Variants in KIF11 observed in about 807,000 individuals in gnomAD.
KIF11 encodes kinesin family member 11, also known as kinesin-like protein KIF11.
In KIF11, 9 loss-of-function variants were observed where a neutral mutation model predicts 121.0. The observed-to-expected ratio is 0.07, with a 90% CI of 0.04 to 0.13. The LOEUF (loss-of-function observed/expected upper bound fraction) is 0.13. Among genes scored for constraint, KIF11 ranks in the 10% least tolerant of loss-of-function variants. The probability of loss-of-function intolerance (pLI) is 1.00; values close to 1 mark genes in which losing one functional copy is unlikely to be tolerated. For missense variants in KIF11, 846 were observed against 1,217.5 expected (o/e 0.69, Z 4.54); for synonymous variants, 408 against 421.0 (o/e 0.97, Z 0.38).
chr10:92,642,444 T>C (rs949519605), intron 17 of KIF11, among the ~76,000 whole-genome samples: 2 of 152,234 alleles, frequency 1.3e-5, no homozygotes, highest in African/African-American at 4.8e-5. Context: ...GCATGAAGTG[T>C]TCTGTATGTG....
chr10:92,598,309 C>G (rs1176506591), intron 1 of KIF11, among the ~76,000 whole-genome samples: 1 of 152,178 alleles, frequency 6.6e-6, no homozygotes, highest in Non-Finnish European at 1.5e-5. Flanking sequence ...CATTCTTTTG[C>G]ATATGGATAT....
At chr10:92,609,307 T>C in intron 5 of KIF11, 78 bp from the exon 6 acceptor site, 1 of 523,904 alleles carries the variant, frequency 1.9e-6, no homozygotes, top group Non-Finnish European at 2.5e-6. Context: ...AGAGAGAGTG[T>C]GTGTGTGTGT....
At chr10:92,634,764 C>T (rs1181280898) in intron 14 of KIF11, among the ~76,000 whole-genome samples, 1 of 152,176 alleles carries the variant, frequency 6.6e-6, no homozygotes, top group Non-Finnish European at 1.5e-5. Flanking sequence ...TATCAAGGGA[C>T]TTGTTAGTTG....
chr10:92,601,751 A>G (rs199842059), intron 1 of KIF11, among the ~76,000 whole-genome samples: 4 of 150,072 alleles, frequency 2.7e-5, no homozygotes, highest in African/African-American at 9.9e-5. Flanking sequence ...TATGTTTCCC[A>G]TGCTGATCCT....
At chr10:92,595,043 T>G (rs2135893521) in intron 1 of KIF11, among the ~76,000 whole-genome samples, 1 of 152,322 alleles carries the variant, frequency 6.6e-6, no homozygotes, top group Admixed American at 6.5e-5. Context: ...TTAAATACTT[T>G]AGGCTTTGCA....
chr10:92,618,593 G>A (rs1198079823), intron 9 of KIF11, among the ~76,000 whole-genome samples: 1 of 148,130 alleles, frequency 6.8e-6, no homozygotes, highest in Non-Finnish European at 1.5e-5. Flanking sequence ...GCAGTGAGCT[G>A]AGATCGAGCC....
At chr10:92,651,274 C>T (rs1844976234) in intron 21 of KIF11, among the ~76,000 whole-genome samples, 2 of 152,010 alleles carry the variant, frequency 1.3e-5, no homozygotes, top group Admixed American at 6.5e-5. Context: ...GTTATCTACC[C>T]TCCTCGGCCT....
intron 9 of KIF11, among the ~76,000 whole-genome samples, chr10:92,620,058 T>C (rs557791674): frequency 1.3e-5 from 2 of 151,362 alleles, no homozygotes; most frequent in Non-Finnish European, 2.9e-5. Context: ...TTTAGAAGTA[T>C]GTAATGTCTG....
At chr10:92,629,996 A>G (rs1186037217) in intron 11 of KIF11, among the ~76,000 whole-genome samples, 180 bp from the exon 12 acceptor site, 1 of 152,218 alleles carries the variant, frequency 6.6e-6, no homozygotes, top group Non-Finnish European at 1.5e-5. Context: ...CAGACCTATT[A>G]TTTAATCTCA....
chr10:92,630,867 CAAAAAAAA>C (rs58123701), intron 12 of KIF11, among the ~76,000 whole-genome samples: 1 of 100,002 alleles, frequency 1.0e-5, no homozygotes, highest in African/African-American at 4.1e-5. Context: ...AACTCCGTCT[CAAAAAAAA>C]AAAAAAAAAA....
intron 17 of KIF11, among the ~76,000 whole-genome samples, chr10:92,643,300 T>C (rs1225212224): frequency 6.6e-6 from 1 of 152,176 alleles, no homozygotes; most frequent in East Asian, 1.9e-4. Context: ...TTTTTAGTAG[T>C]ATGTCTAGGA....
At chr10:92,597,657 T>C (rs1231101922) in intron 1 of KIF11, among the ~76,000 whole-genome samples, 1 of 152,010 alleles carries the variant, frequency 6.6e-6, no homozygotes, top group Non-Finnish European at 1.5e-5. Context: ...TTTGTTTGTT[T>C]GTTTGTTTTT....
At position 92,630,265 on chromosome 10, in the gene KIF11, A is replaced by G. The variant is rs761577687; in HGVS notation, c.1395A>G (p.Gln465=). 3 of 1,610,868 alleles carry G rather than the reference A, an allele frequency of 1.9e-6. No homozygotes were observed. The highest frequency in any genetic ancestry group is 2.5e-6 in the Non-Finnish European group (3 of 1,178,022). ...AAACACAAGAACTTGAAACCACTCA[A>G]AAACATTTGCAAGAAACTAAATTAC... ...QNKTQELETT[Q]KHLQETKLQL... The change falls in exon 12 of 22, where the codon CAA becomes CAG. Residue 465 remains glutamine (Q), a synonymous_variant. Transcript: ENST00000260731.
chr10:92,648,794 T>C (rs1000200079), intron 19 of KIF11, among the ~76,000 whole-genome samples: 3 of 152,254 alleles, frequency 2.0e-5, no homozygotes, highest in Non-Finnish European at 2.9e-5. Context: ...TACCACATTG[T>C]GCATTTTGTT....
chr10:92,606,466 G>A (rs1844432019), intron 2 of KIF11, 69 bp downstream of exon 2: 1 of 1,352,684 alleles, frequency 7.4e-7, no homozygotes, highest in Non-Finnish European at 1.0e-6. Flanking sequence ...ATTTTACCTG[G>A]AAAATGGTGT....
intron 21 of KIF11, among the ~76,000 whole-genome samples, chr10:92,652,373 C>T (rs1844997049): frequency 6.6e-6 from 1 of 152,180 alleles, no homozygotes; most frequent in African/African-American, 2.4e-5. Context: ...CTCCCGACCT[C>T]AGGTGATCCG....
In KIF11 at chr10:92,602,825, C is replaced by CATGTGTGT. The variant is rs1457102223; in HGVS notation, c.78-3440_78-3439insATGTGTGT. Among the ~76,000 whole-genome samples the CATGTGTGT allele has an allele frequency of 5.6e-4, 69 of 122,380 alleles. 1 individual carries two copies. The highest frequency in any genetic ancestry group is 2.4e-3 in the African/African-American group (68 of 27,880). 80.3% of individuals were successfully genotyped at this position (122,380 alleles called of 152,430 possible). A position where few individuals can be genotyped will look rare whatever the true frequency, so the allele number is the denominator to read the frequency against. ...TTACTTAAACACACACACACACACACGTGTGTGTGTGTGTGTGTGTGTGTG... is the reference window on the plus strand; with the variant it reads ...TTACTTAAACACACACACACACACACATGTGTGTGTGTGTGTGTGTGTGTGTGTGTGTG... On this transcript the variant is annotated intron_variant, in intron 1 of 21. Coordinates refer to ENST00000260731, the MANE Select transcript of KIF11 (RefSeq NM_004523.4).
chr10:92,599,756 A>G (rs1382463769), intron 1 of KIF11, among the ~76,000 whole-genome samples: 11 of 146,584 alleles, frequency 7.5e-5, no homozygotes, highest in African/African-American at 2.2e-4. Flanking sequence ...AGGTTCAAGC[A>G]ATTCTCCTGC....
chr10:92,615,732 CTTCT>C (rs1844547743), intron 8 of KIF11, among the ~76,000 whole-genome samples: 2 of 151,990 alleles, frequency 1.3e-5, no homozygotes, highest in African/African-American at 4.8e-5. Flanking sequence ...TTGTGACTGG[CTTCT>C]TTCACTTAGC....
Sources: allele counts gnomAD v4.1 joint callset (sites outside exome capture counted in the v4.1 genomes callset), GRCh38; gene constraint gnomAD v4.1.1; transcripts MANE v1.5; gene names NCBI Gene and HGNC (gene_info 2026-07-23, HGNC 2026-07-21).